Variants in RETREG1 observed in about 807,000 individuals in gnomAD.
RETREG1 encodes reticulophagy regulator 1, also known as family with sequence similarity 134 member B.
Under a neutral mutation model 54.8 loss-of-function variants are expected in RETREG1, and 44 were observed. That is an observed-to-expected ratio of 0.80 (90% CI 0.63 to 1.03). RETREG1 has a LOEUF of 1.03. RETREG1 is among the 50% of genes least tolerant of loss of function. The pLI is 0.00. For synonymous variants in RETREG1, 217 were observed against 238.5 expected (o/e 0.91, Z 0.83); for missense variants, 554 against 605.1 (o/e 0.92, Z 0.89).
intron 3 of RETREG1, among the ~76,000 whole-genome samples, chr5:16,509,967 C>G (rs1740116213): frequency 6.6e-6 from 1 of 152,042 alleles, no homozygotes; most frequent in African/African-American, 2.4e-5. Flanking sequence ...GCACTCCAGC[C>G]TGGGTGACAG....
chr5:16,616,377 C>CTGTAGG (rs921291638), intron 1 of RETREG1: 1 of 487,328 alleles, frequency 2.1e-6, no homozygotes, highest in African/African-American at 2.0e-5. Flanking sequence ...ATGGGAACAC[C>CTGTAGG]TGTAGGTGCA....
chr5:16,526,442 G>A (rs544890927), intron 3 of RETREG1, among the ~76,000 whole-genome samples: 1 of 152,142 alleles, frequency 6.6e-6, no homozygotes, highest in East Asian at 1.9e-4. Context: ...ATTCCCAGAG[G>A]CTCCCCCCAA....
At chr5:16,519,530 A>T (rs1032578525) in intron 3 of RETREG1, among the ~76,000 whole-genome samples, 10 of 152,154 alleles carry the variant, frequency 6.6e-5, no homozygotes, top group Non-Finnish European at 1.3e-4. Flanking sequence ...GACTTAACCC[A>T]GTTACCCTTT....
At chr5:16,609,008 T>C (rs1743269276) in intron 1 of RETREG1, among the ~76,000 whole-genome samples, 1 of 152,232 alleles carries the variant, frequency 6.6e-6, no homozygotes, top group Non-Finnish European at 1.5e-5. Context: ...TATCTAAGAC[T>C]ATGCTAACAC....
intron 3 of RETREG1, among the ~76,000 whole-genome samples, chr5:16,564,673 C>T (rs1741959449): frequency 6.6e-6 from 1 of 152,180 alleles, no homozygotes; most frequent in Non-Finnish European, 1.5e-5. Flanking sequence ...GGCTGCCCGC[C>T]ACCTCCACGA....
rs1179142157 is a variant in RETREG1, at chr5:16,616,773, C to T, written c.199G>A (p.Ala67Thr). The T allele has an allele frequency of 1.3e-6, 2 of 1,540,578 alleles. No individual in the cohort carries two copies. The highest frequency in any genetic ancestry group is 2.4e-5 in the South Asian group (2 of 84,600). The change falls in exon 1 of 9, where the codon GCG becomes ACG. Residue 67 changes from alanine (A) to threonine (T), a missense_variant. Physicochemically the swap from Ala to Thr is moderately conservative, Grantham distance 58. This residue lies in a region of RETREG1 where 175 missense variants were observed against 142.1 expected (regional missense o/e 1.23). Transcript: ENST00000306320. The stretch of plus-strand genomic sequence containing the variant: ...GGCTCCCCGAGCAGCCAGGTTACCG[C>T]GGCCGCCGCCCGGCCCGCGGCCTCC... ...VEEAAGRAAA[A>T]VTWLLGEPVL... is the part of the protein sequence containing the mutation.
intron 3 of RETREG1, among the ~76,000 whole-genome samples, chr5:16,529,656 G>A (rs907419290): frequency 1.2e-4 from 18 of 151,896 alleles, no homozygotes; most frequent in African/African-American, 3.4e-4. Context: ...GTGACTTTGC[G>A]TCACTGTTCA....
At position 16,616,534 on chromosome 5, in the gene RETREG1, G is replaced by T; in HGVS notation, c.320+118C>A. 4.1e-6 allele frequency: 6 copies of T among 1,478,232 alleles called. No individual in the cohort carries two copies. In the South Asian group the frequency reaches 6.3e-5, roughly 16 times the overall value. The allele number at this position is 1,478,232 out of a possible 1,614,324, so 91.6% of individuals were successfully genotyped here. ...CAGGTGGCCGAGAAAGTGGGGCAGG[G>T]CTGACAATTCTTCCTCCGCAGTGTC... On this transcript the variant is annotated intron_variant, in intron 1 of 8. Transcript: ENST00000306320.
At chr5:16,483,291 T>C in intron 4 of RETREG1, 55 bp downstream of exon 4, 1 of 1,597,722 alleles carries the variant, frequency 6.3e-7, no homozygotes. Flanking sequence ...GGTTAGTTCA[T>C]TTGTTTCCAA....
At chr5:16,499,906 T>C (rs1394976879) in intron 3 of RETREG1, among the ~76,000 whole-genome samples, 1 of 152,214 alleles carries the variant, frequency 6.6e-6, no homozygotes, top group Non-Finnish European at 1.5e-5. Context: ...AGTCTGGTAA[T>C]GCCTCCCTGC....
At chr5:16,498,942 AC>A (rs1424361013) in intron 3 of RETREG1, among the ~76,000 whole-genome samples, 1 of 152,054 alleles carries the variant, frequency 6.6e-6, no homozygotes, top group Non-Finnish European at 1.5e-5. Flanking sequence ...TACTTAATAA[AC>A]TTTTCCATTT....
At chr5:16,541,750 AAGGAAG>A (rs1741255270) in intron 3 of RETREG1, among the ~76,000 whole-genome samples, 2 of 103,054 alleles carry the variant, frequency 1.9e-5, no homozygotes, top group Non-Finnish European at 3.8e-5. Context: ...GGAAGGAAGG[AAGGAAG>A]GAAGGAAGGA....
chr5:16,489,981 T>G (rs895747659), intron 3 of RETREG1, among the ~76,000 whole-genome samples: 7 of 152,218 alleles, frequency 4.6e-5, no homozygotes, highest in Non-Finnish European at 1.0e-4. Flanking sequence ...AAGCAAAAAA[T>G]TATATTTTTA....
chr5:16,536,309 G>T (rs1465643432), intron 3 of RETREG1, among the ~76,000 whole-genome samples: 2 of 152,170 alleles, frequency 1.3e-5, no homozygotes, highest in Non-Finnish European at 2.9e-5. Context: ...AAAGCAGGAA[G>T]CCCACACTGA....
At position 16,557,133 on chromosome 5, in the gene RETREG1, A is replaced by G. The variant is rs369772651; in HGVS notation, c.458+8630T>C. Among the ~76,000 whole-genome samples, 81 of 152,250 alleles carry G rather than the reference A, an allele frequency of 5.3e-4. No individual in the cohort carries two copies. The South Asian group carries it at 0.012, about 23-fold the overall frequency. On this transcript the variant is annotated intron_variant, in intron 3 of 8. Transcript: ENST00000306320. ...TCATGAGCCACTGCACCCGGCCATC[A>G]TTTTAGTGTCTCAAGAAATATATCC...
At position 16,597,948 on chromosome 5, in the gene RETREG1, G is replaced by A. The variant is rs977750125; in HGVS notation, c.320+18704C>T. On this transcript the variant is annotated intron_variant, in intron 1 of 8. Transcript: ENST00000306320. This position sits in a 1 kb window ranked among gnomAD's most constrained non-coding sequence, Gnocchi z 4.3. ...CAGGGGTAAGGAACTACACTGGAGG[G>A]AACTGGGCAGCCCCTGCTTCTGACT... Among the ~76,000 whole-genome samples the A allele has an allele frequency of 1.3e-5, 2 of 151,940 alleles. No homozygotes were observed. Among genetic ancestry groups the A allele is most frequent in the African/African-American group, 4.8e-5 (2 of 41,342 alleles).
rs1215838608 is a variant in RETREG1 at position 16,474,711 on chromosome 5, T to C, written c.*30A>G. ...CTTGTTTGAAATTTTTTTGGTGTTT[T>C]TTGTGCTCTGTTGCAAGCTGATTCC... On this transcript the variant is annotated 3_prime_UTR_variant, in exon 9 of 9. Transcript: ENST00000306320. The C allele has an allele frequency of 1.2e-5, 19 of 1,604,908 alleles. No homozygotes were observed. The highest frequency in any genetic ancestry group is 1.5e-5 in the Non-Finnish European group (18 of 1,178,076).
chr5:16,592,231 G>C (rs1014845842), intron 1 of RETREG1, among the ~76,000 whole-genome samples: 1 of 152,096 alleles, frequency 6.6e-6, no homozygotes, highest in Non-Finnish European at 1.5e-5. Context: ...CCATCAAAAA[G>C]TGGGCAAAAG....
intron 1 of RETREG1, among the ~76,000 whole-genome samples, chr5:16,615,268 C>T (rs1229107245): frequency 3.0e-4 from 46 of 151,380 alleles, no homozygotes; most frequent in Non-Finnish European, 4.7e-4. Context: ...GGCGTGGTGG[C>T]GGGCGCCTGT....
Sources: gnomAD v4.1 joint callset for allele counts (sites outside exome capture counted in the v4.1 genomes callset) on GRCh38, gnomAD v4.1.1 for gene constraint, gnomAD v4.1.1 regional missense constraint, Gnocchi (gnomAD v3.1) non-coding constraint, MANE v1.5 for transcripts, NCBI Gene and HGNC (gene_info 2026-07-23, HGNC 2026-07-21) for gene names.